CADPS2: variants seen among roughly 807,000 people sequenced by gnomAD.
CADPS2 encodes calcium dependent secretion activator 2.
In CADPS2, 93 loss-of-function variants were observed where a neutral mutation model predicts 172.5. The ratio of observed to expected loss-of-function variants is 0.54; its 90% confidence interval spans 0.46 to 0.64. The LOEUF is 0.64. Among genes scored for constraint, CADPS2 ranks in the 30% least tolerant of loss-of-function variants. CADPS2 has a pLI of 0.00. For missense variants in CADPS2, 1,420 were observed against 1,565.9 expected, an observed-to-expected ratio of 0.91 and a Z score of 1.57; for synonymous variants, 546 against 555.2, an observed-to-expected ratio of 0.98 and a Z score of 0.23.
intron 8 of CADPS2, among the ~76,000 whole-genome samples, chr7:122,541,879 A>ATATATTCATATATATT (rs2063123373): frequency 7.7e-6 from 1 of 130,654 alleles, no homozygotes; most frequent in African/African-American, 2.7e-5. Context: ...ATATATATTT[A>ATATATTCATATATATT]TATATATTCA....
In CADPS2 at chr7:122,320,044, A is replaced by G. The variant is rs571677885; in HGVS notation, c.*121T>C. 62 of 1,033,916 alleles carry G rather than the reference A, an allele frequency of 6.0e-5. No homozygotes were observed. In the African/African-American group the frequency reaches 8.0e-4, roughly 13 times the overall value. 64.0% of individuals were successfully genotyped at this position (1,033,916 alleles called of 1,614,324 possible). On this transcript the variant is annotated 3_prime_UTR_variant, in exon 30 of 30. Coordinates refer to ENST00000449022, the MANE Select transcript of CADPS2 (RefSeq NM_017954.11). ...CTCTACATTCAGGCTTACTTTTTAAAGAAATACAAGCATTTTTATTTGGCC... is the reference window on the plus strand; with the variant it reads ...CTCTACATTCAGGCTTACTTTTTAAGGAAATACAAGCATTTTTATTTGGCC...
chr7:122,614,543 A>G (rs1587845733), intron 6 of CADPS2, among the ~76,000 whole-genome samples: 1 of 152,220 alleles, frequency 6.6e-6, no homozygotes, highest in East Asian at 1.9e-4. Flanking sequence ...AGCAAATTGA[A>G]TCTGAATTCC....
chr7:122,438,201 C>G (rs1183163774), intron 17 of CADPS2, 140 bp downstream of exon 17: 1 of 1,045,884 alleles, frequency 9.6e-7, no homozygotes, highest in Non-Finnish European at 1.4e-6. Flanking sequence ...CTTCAGTTCA[C>G]CAGCTGAGAT....
chr7:122,472,408 C>T (rs2056099497), intron 13 of CADPS2, among the ~76,000 whole-genome samples: 1 of 152,068 alleles, frequency 6.6e-6, no homozygotes, highest in African/African-American at 2.4e-5. Flanking sequence ...TATTTATATG[C>T]TTTCCATGTT....
chr7:122,845,623 G>A (rs767824609), intron 1 of CADPS2, among the ~76,000 whole-genome samples: 6 of 152,146 alleles, frequency 3.9e-5, no homozygotes, highest in Non-Finnish European at 8.8e-5. Context: ...CAGCAAGCTT[G>A]GGTTGAAAAG....
intron 1 of CADPS2, among the ~76,000 whole-genome samples, chr7:122,876,093 G>A (rs1055480415): frequency 1.3e-5 from 2 of 152,160 alleles, no homozygotes; most frequent in African/African-American, 4.8e-5. Context: ...GGCTGAGGCG[G>A]GTGGATCACT....
At chr7:122,627,584 C>T (rs1374528481) in intron 4 of CADPS2, among the ~76,000 whole-genome samples, 1 of 152,308 alleles carries the variant, frequency 6.6e-6, no homozygotes, top group East Asian at 1.9e-4. Context: ...AACACACCTT[C>T]TTCTCAGTCA....
chr7:122,569,118 A>G (rs1436977833), intron 7 of CADPS2, among the ~76,000 whole-genome samples: 2 of 152,180 alleles, frequency 1.3e-5, no homozygotes, highest in African/African-American at 4.8e-5. Flanking sequence ...ACATGATTGT[A>G]TATCTAGAAA....
intron 4 of CADPS2, among the ~76,000 whole-genome samples, chr7:122,627,635 T>C (rs1033356218): frequency 2.0e-5 from 3 of 152,170 alleles, no homozygotes; most frequent in Middle Eastern, 3.2e-3. Context: ...TCCAGTCCCA[T>C]AACTCTCTAG....
intron 25 of CADPS2, among the ~76,000 whole-genome samples, chr7:122,369,279 C>T (rs546322452): frequency 2.1e-3 from 312 of 151,820 alleles, no homozygotes; most frequent in Non-Finnish European, 3.7e-3. Context: ...TACATGTGCC[C>T]GCCACCATGC....
At chr7:122,680,142 A>G (rs1208028705) in intron 2 of CADPS2, among the ~76,000 whole-genome samples, 1 of 152,232 alleles carries the variant, frequency 6.6e-6, no homozygotes, top group Non-Finnish European at 1.5e-5. Context: ...GCACACAAAA[A>G]AAGTACAATA....
intron 2 of CADPS2, among the ~76,000 whole-genome samples, chr7:122,695,093 G>A (rs2084899333): frequency 6.6e-6 from 1 of 152,178 alleles, no homozygotes; most frequent in Non-Finnish European, 1.5e-5. Context: ...CAGGACAGTT[G>A]CATTATAATA....
At chr7:122,602,705 A>G (rs1452830504) in intron 6 of CADPS2, among the ~76,000 whole-genome samples, 1 of 152,084 alleles carries the variant, frequency 6.6e-6, no homozygotes, top group Non-Finnish European at 1.5e-5. Flanking sequence ...TGATTCACAG[A>G]AACAACTTCC....
At chr7:122,533,047 G>T (rs1200718742) in intron 8 of CADPS2, among the ~76,000 whole-genome samples, 1 of 151,850 alleles carries the variant, frequency 6.6e-6, no homozygotes, top group Non-Finnish European at 1.5e-5. Context: ...TTTTTAGAAA[G>T]GCCTATCACT....
chr7:122,832,980 G>A (rs1054347304), intron 1 of CADPS2, among the ~76,000 whole-genome samples: 1 of 152,148 alleles, frequency 6.6e-6, no homozygotes, highest in East Asian at 1.9e-4. Flanking sequence ...TTTAACTGCA[G>A]AACAGCAATA....
At chr7:122,407,786 A>T in intron 19 of CADPS2, 90 bp from the exon 20 acceptor site, 3 of 1,257,902 alleles carry the variant, frequency 2.4e-6, no homozygotes, top group Non-Finnish European at 3.4e-6. Flanking sequence ...ATTTTATAAC[A>T]TGTCTTAGTT....
intron 7 of CADPS2, among the ~76,000 whole-genome samples, chr7:122,569,108 A>T (rs1168254681): frequency 2.0e-5 from 3 of 152,190 alleles, no homozygotes. Context: ...TTTGCAGACG[A>T]CATGATTGTA....
At chr7:122,610,175 G>A (rs2074115146) in intron 6 of CADPS2, among the ~76,000 whole-genome samples, 1 of 151,672 alleles carries the variant, frequency 6.6e-6, no homozygotes, top group South Asian at 2.1e-4. Flanking sequence ...AGCACTGGGG[G>A]CTTATTATAA....
rs1317502808 is a variant in CADPS2, at chr7:122,416,154, G to C, written c.2487C>G (p.Asn829Lys). 1 of 1,538,820 alleles carries C rather than the reference G, an allele frequency of 6.5e-7. No homozygotes were observed. ...TEYAKIEETM[N>K]QASPARKLEE... The stretch of plus-strand genomic sequence containing the variant: ...CCAGCTTTCTAGCAGGAGATGCCTG[G>C]TTCATGGTCTCTATATGAAAAAAAA... The change falls in exon 18 of 30, where the codon AAC becomes AAG. Residue 829 changes from asparagine (N) to lysine (K), a missense_variant. Coordinates refer to ENST00000449022, the MANE Select transcript of CADPS2 (RefSeq NM_017954.11).
Sources: gnomAD v4.1 joint callset for allele counts (sites outside exome capture counted in the v4.1 genomes callset) on GRCh38, gnomAD v4.1.1 for gene constraint, MANE v1.5 for transcripts, NCBI Gene and HGNC (gene_info 2026-07-23, HGNC 2026-07-21) for gene names.